Variants in PCSK5 observed in about 807,000 individuals in gnomAD.
The protein encoded by PCSK5 is prohormone convertase 5.
Under a neutral mutation model 233.2 loss-of-function variants are expected in PCSK5, and 129 were observed. The ratio of observed to expected loss-of-function variants is 0.55; its 90% CI spans 0.48 to 0.64. The LOEUF is 0.64. PCSK5 is among the 30% of genes least tolerant of loss of function. PCSK5 has a pLI of 0.00. For synonymous variants in PCSK5, 825 were observed against 879.2 expected (o/e 0.94, Z 1.09); for missense variants, 2,076 against 2,430.1 (o/e 0.85, Z 3.06).
chr9:75,943,514 G>C (rs1051877914), intron 2 of PCSK5, among the ~76,000 whole-genome samples: 15 of 152,062 alleles, frequency 9.9e-5, no homozygotes, highest in African/African-American at 3.6e-4. Context: ...CCATTGAAAG[G>C]ACGTTATTTG....
chr9:75,928,596 CATATATATATATATATATATATATAT>C lies in PCSK5; in HGVS notation c.193-3765_193-3740del, dbSNP rs61537466. On this transcript the variant is annotated intron_variant, in intron 1 of 37. Coordinates refer to ENST00000674117, the MANE Select transcript of PCSK5 (RefSeq NM_001372043.1). ...ATAAACATGCTTTTACATATAAATA[CATATATATATATATATATATATATAT>C]ATATATATATATATATAATCCTAGA... 2.1e-3 allele frequency among the ~76,000 whole-genome samples: 143 copies of C among 68,416 alleles called. 3 individuals are homozygous for C. The highest frequency in any genetic ancestry group is 4.6e-3 in the African/African-American group (94 of 20,284). 44.9% of individuals were successfully genotyped at this position (68,416 alleles called of 152,430 possible).
At chr9:76,325,550 T>G (rs60199364) in intron 32 of PCSK5, among the ~76,000 whole-genome samples, 34,406 of 152,186 alleles carry the variant, frequency 0.23, 4,103 homozygotes, top group African/African-American at 0.26. Context: ...AACAGATGCT[T>G]TGAGAAGTTA....
At chr9:76,235,474 T>C (rs540820270) in intron 22 of PCSK5, among the ~76,000 whole-genome samples, 1 of 150,738 alleles carries the variant, frequency 6.6e-6, no homozygotes, top group African/African-American at 2.4e-5. Context: ...GCACTGACAT[T>C]TCTTCTATTT....
At chr9:76,084,331 C>CA (rs1195103217) in intron 7 of PCSK5, among the ~76,000 whole-genome samples, 4 of 152,168 alleles carry the variant, frequency 2.6e-5, no homozygotes, top group Non-Finnish European at 4.4e-5. Flanking sequence ...TGGAGAGGAA[C>CA]ACAAATCTAT....
chr9:76,344,087 G>A (rs886701793), intron 35 of PCSK5, among the ~76,000 whole-genome samples: 7 of 152,208 alleles, frequency 4.6e-5, no homozygotes, highest in African/African-American at 1.7e-4. Flanking sequence ...TATTTTACAT[G>A]TACAGCACAA....
At position 76,308,719 on chromosome 9, in the gene PCSK5, T is replaced by C. The variant is rs747809656; in HGVS notation, c.3679T>C (p.Cys1227Arg). The change falls in exon 29 of 38, where the codon TGT becomes CGT. Residue 1227 changes from cysteine (C) to arginine (R), a missense_variant. Physicochemically the swap from Cys to Arg is radical, Grantham distance 180. This residue lies in a region of PCSK5 where 1,510 missense variants were observed against 1,538.1 expected (regional missense o/e 0.98). Transcript: ENST00000674117. ...CNGSATLCTS[C>R]PKGAYLLAQA... ...TGGATCTGCAACTCTGTGCACTTCA[T>C]GTCCCAAAGGTTAGTGTGTTGCGTG... The C allele has an allele frequency of 7.5e-6, 12 of 1,606,036 alleles. No individual in the cohort carries two copies. The highest frequency in any genetic ancestry group is 1.7e-5 in the Admixed American group (1 of 59,986).
chr9:76,254,644 A>G (rs900883007), intron 24 of PCSK5, among the ~76,000 whole-genome samples: 12 of 152,194 alleles, frequency 7.9e-5, no homozygotes, highest in African/African-American at 2.9e-4. Flanking sequence ...TCAAATGCCT[A>G]CTGTGACAAT....
chr9:76,289,236 G>C (rs993142065), intron 24 of PCSK5, among the ~76,000 whole-genome samples: 1 of 152,092 alleles, frequency 6.6e-6, no homozygotes, highest in East Asian at 1.9e-4. Flanking sequence ...CCTTAGGAAA[G>C]ATATGAGCAG....
chr9:76,266,368 G>T (rs765476274), intron 24 of PCSK5, among the ~76,000 whole-genome samples: 3 of 152,090 alleles, frequency 2.0e-5, no homozygotes, highest in African/African-American at 4.8e-5. Context: ...GACATAATTG[G>T]CAATAATGGG....
At chr9:76,215,890 G>A (rs2131293146) in intron 20 of PCSK5, among the ~76,000 whole-genome samples, 1 of 152,182 alleles carries the variant, frequency 6.6e-6, no homozygotes, top group South Asian at 2.1e-4. Context: ...AGTAAGCCAA[G>A]ATCACACCAC....
intron 7 of PCSK5, among the ~76,000 whole-genome samples, chr9:76,078,963 T>A (rs1830735799): frequency 6.6e-6 from 1 of 152,216 alleles, no homozygotes; most frequent in Admixed American, 6.5e-5. Flanking sequence ...GAGCATGGAA[T>A]GTTTTTTCTA....
At chr9:76,004,710 T>C (rs1431080545) in intron 3 of PCSK5, among the ~76,000 whole-genome samples, 1 of 152,202 alleles carries the variant, frequency 6.6e-6, no homozygotes, top group Non-Finnish European at 1.5e-5. Context: ...GACTTTCTTT[T>C]TTGGTTCTGA....
At chr9:76,344,451 C>T (rs1424268314) in intron 35 of PCSK5, among the ~76,000 whole-genome samples, 2 of 152,218 alleles carry the variant, frequency 1.3e-5, no homozygotes, top group Non-Finnish European at 2.9e-5. Context: ...AAAGAATTAG[C>T]CTTCCAAACA....
chr9:76,221,069 T>A (rs1825715024), intron 20 of PCSK5, among the ~76,000 whole-genome samples: 1 of 152,206 alleles, frequency 6.6e-6, no homozygotes, highest in East Asian at 1.9e-4. Context: ...ATTTCTGAGT[T>A]CCTCTTAGGA....
At chr9:75,980,197 G>C (rs758900371) in intron 2 of PCSK5, among the ~76,000 whole-genome samples, 1 of 152,190 alleles carries the variant, frequency 6.6e-6, no homozygotes. Context: ...AATGTAATTA[G>C]AACAATAACA....
chr9:76,181,634 G>C (rs771838228), intron 16 of PCSK5, 43 bp downstream of exon 16: 1 of 1,434,486 alleles, frequency 7.0e-7, no homozygotes, highest in Non-Finnish European at 9.7e-7. Flanking sequence ...AAGAAATGTG[G>C]TGTTTTCATT....
intron 5 of PCSK5, among the ~76,000 whole-genome samples, chr9:76,052,076 G>A (rs1282862786): frequency 6.6e-6 from 1 of 152,090 alleles, no homozygotes; most frequent in Non-Finnish European, 1.5e-5. Flanking sequence ...CAAAAAGCAT[G>A]GCAGGTTAAA....
intron 3 of PCSK5, among the ~76,000 whole-genome samples, chr9:76,013,651 T>C (rs1488415121): frequency 6.6e-6 from 1 of 152,168 alleles, no homozygotes; most frequent in Non-Finnish European, 1.5e-5. Flanking sequence ...AAGATAATGA[T>C]TATGTTGTCA....
At chr9:76,032,268 G>C (rs1478340225) in intron 5 of PCSK5, among the ~76,000 whole-genome samples, 1 of 152,140 alleles carries the variant, frequency 6.6e-6, no homozygotes, top group Non-Finnish European at 1.5e-5. Context: ...ATTCATTCAA[G>C]CAGTATTCAT....
Sources: gnomAD v4.1 joint callset for allele counts (sites outside exome capture counted in the v4.1 genomes callset) on GRCh38, gnomAD v4.1.1 for gene constraint, gnomAD v4.1.1 regional missense constraint, MANE v1.5 for transcripts, NCBI Gene and HGNC (gene_info 2026-07-23, HGNC 2026-07-21) for gene names.